The following COL14A1 variants were observed in gnomAD, a reference collection of about 807,000 sequenced individuals.
COL14A1 encodes the protein collagen alpha-1(XIV) chain.
A neutral mutation model predicts 230.3 loss-of-function variants in COL14A1; 136 were observed. The observed-to-expected ratio is 0.59, with a 90% CI of 0.51 to 0.68. The LOEUF (loss-of-function observed/expected upper bound fraction) is 0.68, where lower values mean the gene tolerates loss of function less well. COL14A1 is among the 30% of genes least tolerant of loss of function. The pLI is 0.00. For missense variants in COL14A1, 1,976 were observed against 2,215.8 expected (o/e 0.89, Z 2.17); for synonymous variants, 792 against 784.1 (o/e 1.01, Z -0.17).
intron 19 of COL14A1, among the ~76,000 whole-genome samples, chr8:120,239,723 A>AT (rs10626830): frequency 0.19 from 29,243 of 151,372 alleles, 3,052 homozygotes; most frequent in Non-Finnish European, 0.21. Context: ...ATAAGTTGTG[A>AT]TTTTTTTTTC....
chr8:120,184,058 A>G (rs1816563363), intron 5 of COL14A1, among the ~76,000 whole-genome samples: 2 of 152,192 alleles, frequency 1.3e-5, no homozygotes, highest in Admixed American at 6.5e-5. Context: ...CATCTACCTC[A>G]TAGGATTAAT....
chr8:120,334,534 T>G (rs990948152), intron 42 of COL14A1, among the ~76,000 whole-genome samples: 10 of 148,418 alleles, frequency 6.7e-5, no homozygotes, highest in African/African-American at 2.5e-4. Flanking sequence ...AAACATATAC[T>G]GAAACCCACA....
chr8:120,226,513 C>A, intron 15 of COL14A1, 114 bp from the exon 16 acceptor site: 1 of 1,113,322 alleles, frequency 9.0e-7, no homozygotes, highest in Non-Finnish European at 1.3e-6. Context: ...CTTTCCTGTG[C>A]TTTCCTAAAG....
chr8:120,148,901 G>T (rs1411822113), intron 2 of COL14A1, among the ~76,000 whole-genome samples: 1 of 152,072 alleles, frequency 6.6e-6, no homozygotes, highest in East Asian at 1.9e-4. Flanking sequence ...GCCAAATCTG[G>T]CCCACTGCCT....
At chr8:120,270,489 G>T (rs775497324) in intron 26 of COL14A1, among the ~76,000 whole-genome samples, 2 of 151,670 alleles carry the variant, frequency 1.3e-5, no homozygotes, top group Non-Finnish European at 3.0e-5. Context: ...CTGCCCTTAA[G>T]CACTTTAAAA....
chr8:120,266,894 A>G lies in COL14A1; in HGVS notation c.3073+11A>G, dbSNP rs1819517760. The G allele has an allele frequency of 1.9e-6, 3 of 1,603,318 alleles. No homozygotes were observed. Among genetic ancestry groups the G allele is most frequent in the African/African-American group, 1.3e-5 (1 of 74,716 alleles). Reference sequence around the variant, plus strand: ...CACCAGCAAAAGAAGGTAAAAGAATAATAGAATAATTATCTGATTCTAGGT... The same window carrying G: ...CACCAGCAAAAGAAGGTAAAAGAATGATAGAATAATTATCTGATTCTAGGT... On this transcript the variant is annotated intron_variant, in intron 25 of 47. Coordinates refer to ENST00000297848, the MANE Select transcript of COL14A1 (RefSeq NM_021110.4).
intron 45 of COL14A1, among the ~76,000 whole-genome samples, chr8:120,362,519 T>C (rs1307582237): frequency 6.6e-6 from 1 of 152,212 alleles, no homozygotes; most frequent in Non-Finnish European, 1.5e-5. Context: ...AACAAGCAAG[T>C]CCCTGATTTT....
intron 1 of COL14A1, among the ~76,000 whole-genome samples, chr8:120,129,412 A>G (rs1814455034): frequency 6.6e-6 from 1 of 152,148 alleles, no homozygotes. Context: ...AAAAATGAAG[A>G]GAGGGAAAAA....
chr8:120,331,844 C>T (rs1287929757), intron 40 of COL14A1, among the ~76,000 whole-genome samples: 1 of 152,222 alleles, frequency 6.6e-6, no homozygotes, highest in Non-Finnish European at 1.5e-5. Context: ...AATGGATCCT[C>T]TTTCCATTTG....
intron 1 of COL14A1, among the ~76,000 whole-genome samples, chr8:120,129,386 T>A (rs1814453147): frequency 6.6e-6 from 1 of 152,110 alleles, no homozygotes; most frequent in Non-Finnish European, 1.5e-5. Context: ...ACAGATGAAC[T>A]ATGTCAGTGT....
intron 5 of COL14A1, among the ~76,000 whole-genome samples, chr8:120,194,719 T>C (rs1816965530): frequency 6.6e-6 from 1 of 152,122 alleles, no homozygotes; most frequent in Admixed American, 6.6e-5. Flanking sequence ...ATCCACATGG[T>C]TCCCAATTAA....
chr8:120,192,647 A>T (rs1460985913), intron 5 of COL14A1, among the ~76,000 whole-genome samples: 1 of 152,184 alleles, frequency 6.6e-6, no homozygotes, highest in Non-Finnish European at 1.5e-5. Context: ...GTGTTTTCCA[A>T]CTTGGTTCCA....
At chr8:120,210,033 A>C in intron 12 of COL14A1, 132 bp downstream of exon 12, 5 of 633,372 alleles carry the variant, frequency 7.9e-6, no homozygotes, top group Non-Finnish European at 1.1e-5. Flanking sequence ...AACACTTATA[A>C]TCCCACCACT....
At chr8:120,369,526 T>A in intron 47 of COL14A1, 41 bp downstream of exon 47, 1 of 1,488,116 alleles carries the variant, frequency 6.7e-7, no homozygotes, top group East Asian at 2.5e-5. Context: ...CTTTGATCAA[T>A]GTTTTAGTAT....
At chr8:120,170,115 A>G (rs1816048565) in intron 5 of COL14A1, among the ~76,000 whole-genome samples, 1 of 152,094 alleles carries the variant, frequency 6.6e-6, no homozygotes, top group African/African-American at 2.4e-5. Flanking sequence ...TCTAGAGCAT[A>G]TACCTTGGAG....
At chr8:120,131,726 T>G (rs559480222) in intron 1 of COL14A1, among the ~76,000 whole-genome samples, 1 of 152,180 alleles carries the variant, frequency 6.6e-6, no homozygotes, top group Non-Finnish European at 1.5e-5. Flanking sequence ...TAGATCCCAC[T>G]TGTCAATTTT....
chr8:120,212,018 G>A (rs1817628480), intron 12 of COL14A1, among the ~76,000 whole-genome samples: 1 of 152,210 alleles, frequency 6.6e-6, no homozygotes, highest in Non-Finnish European at 1.5e-5. Context: ...GCAAAAACTG[G>A]GCATCTGGCC....
At chr8:120,155,159 G>C (rs1240782315) in intron 2 of COL14A1, among the ~76,000 whole-genome samples, 1 of 152,186 alleles carries the variant, frequency 6.6e-6, no homozygotes, top group East Asian at 1.9e-4. Flanking sequence ...GTGGTCTGTT[G>C]CTAAAAGGTA....
At chr8:120,177,812 A>C (rs1448312641) in intron 5 of COL14A1, among the ~76,000 whole-genome samples, 1 of 151,422 alleles carries the variant, frequency 6.6e-6, no homozygotes, top group African/African-American at 2.4e-5. Flanking sequence ...AACCATGATA[A>C]GGAAAATAGG....
Sources: allele counts gnomAD v4.1 joint callset (sites outside exome capture counted in the v4.1 genomes callset), GRCh38; gene constraint gnomAD v4.1.1; transcripts MANE v1.5; gene names NCBI Gene and HGNC (gene_info 2026-07-23, HGNC 2026-07-21).